SNRNP27: variants seen among roughly 807,000 people sequenced by gnomAD.
SNRNP27 encodes the protein U4/U6.U5 small nuclear ribonucleoprotein 27 kDa protein.
A neutral mutation model predicts 25.1 loss-of-function variants in SNRNP27; 22 were observed. That is an observed-to-expected ratio of 0.88 (90% CI 0.63 to 1.25). SNRNP27 has a LOEUF of 1.25. SNRNP27 is among the 50% of genes most tolerant of loss of function. The pLI is 0.00. For missense variants in SNRNP27, 150 were observed against 202.3 expected (o/e 0.74, Z 1.57); for synonymous variants, 66 against 64.9 (o/e 1.02, Z -0.08).
intron 4 of SNRNP27, among the ~76,000 whole-genome samples, chr2:69,902,217 CCTCCTTCCTCCTCCCTTCTTTCTT>C (rs1365954974): frequency 3.3e-4 from 50 of 150,348 alleles, no homozygotes; most frequent in African/African-American, 1.1e-3. Flanking sequence ...CTTCCTCCTC[CCTCCTTCCTCCTCCCTTCTTTCTT>C]CTCCTTCCTC....
intron 3 of SNRNP27, among the ~76,000 whole-genome samples, chr2:69,896,844 T>C (rs1339971882): frequency 6.6e-6 from 1 of 152,078 alleles, no homozygotes; most frequent in Non-Finnish European, 1.5e-5. Flanking sequence ...CGGCTAATTT[T>C]TGTATTTTTA....
At chr2:69,896,652 G>A in intron 3 of SNRNP27, 104 bp downstream of exon 3, 1 of 1,157,424 alleles carries the variant, frequency 8.6e-7, no homozygotes, top group South Asian at 1.8e-5. Flanking sequence ...AGTATTCATT[G>A]CATATGGTTT....
Position 69,897,459 on chromosome 2 carries a change from A to G in SNRNP27, c.348+3A>G. The G allele has an allele frequency of 6.3e-7, 1 of 1,599,710 alleles. No individual in the cohort carries two copies. The highest frequency in any genetic ancestry group is 1.3e-5 in the African/African-American group (1 of 74,736). ...TTGCCTCCTTTGACTCCACAAAAGT[A>G]AGTAAAACGTGCAACATTCTCATTT... is the stretch of plus-strand genomic sequence containing the variant. On this transcript the variant is annotated splice_donor_region_variant and intron_variant, in intron 4 of 5. Transcript: ENST00000244227.
In SNRNP27 at chr2:69,897,426, A is replaced by G; in HGVS notation, c.318A>G (p.Leu106=). 1 of 1,613,540 alleles carries G rather than the reference A, an allele frequency of 6.2e-7. No individual in the cohort carries two copies. The highest frequency in any genetic ancestry group is 8.5e-7 in the Non-Finnish European group (1 of 1,179,752). The change falls in exon 4 of 6, where the codon TTA becomes TTG. Residue 106 remains leucine (L), a synonymous_variant. Transcript: ENST00000244227. ...AGGAAGAAATAGAAATGATGAAGTT[A>G]ATGGGATTTGCCTCCTTTGACTCCA... ...KTEEEIEMMK[L]MGFASFDSTK... is the part of the protein sequence containing the mutation.
intron 5 of SNRNP27, 24 bp from the exon 6 acceptor site, chr2:69,904,230 A>G (rs760741481): frequency 2.3e-5 from 36 of 1,556,894 alleles, no homozygotes; most frequent in Non-Finnish European, 3.0e-5. Flanking sequence ...AAAAAAAACA[A>G]TGAATTTTCT....
chr2:69,901,715 G>A (rs553674642), intron 4 of SNRNP27, among the ~76,000 whole-genome samples: 1 of 152,202 alleles, frequency 6.6e-6, no homozygotes, highest in South Asian at 2.1e-4. Context: ...CAGCTACTCG[G>A]GAGGCTGAGG....
At chr2:69,902,938 CTT>C (rs761833954) in intron 4 of SNRNP27, among the ~76,000 whole-genome samples, 14,287 of 91,004 alleles carry the variant, frequency 0.16, 399 homozygotes, top group African/African-American at 0.18. Context: ...TCTTCTTCTT[CTT>C]TTTTTTTTTT....
chr2:69,901,680 G>A (rs1009956974), intron 4 of SNRNP27, among the ~76,000 whole-genome samples: 3 of 152,078 alleles, frequency 2.0e-5, no homozygotes, highest in African/African-American at 2.4e-5. Flanking sequence ...AATTAGCCCA[G>A]CTTGGTGGCA....
chr2:69,897,642 A>G, intron 4 of SNRNP27, 186 bp downstream of exon 4: 2 of 561,280 alleles, frequency 3.6e-6, no homozygotes, highest in South Asian at 4.5e-5. Context: ...GTTGCCAGGG[A>G]CGATGTTTGA....
chr2:69,905,011 A>T lies in SNRNP27; in HGVS notation c.*703A>T, dbSNP rs1676772207. ...AGGCTTCTTTGGGTTGATCCCACCT[A>T]TGAGATCAGAATATGTATGCAGTTC... On this transcript the variant is annotated 3_prime_UTR_variant, in exon 6 of 6. Transcript: ENST00000244227. 1.3e-5 allele frequency: 2 copies of T among 152,286 alleles called. No homozygotes were observed. The highest frequency in any genetic ancestry group is 2.9e-5 in the Non-Finnish European group (2 of 68,138). 9.4% of individuals were successfully genotyped at this position (152,286 alleles called of 1,614,324 possible).
rs1036892404 is a variant in SNRNP27, at chr2:69,904,881, CA to C, written c.*581del. On this transcript the variant is annotated 3_prime_UTR_variant, in exon 6 of 6. Coordinates refer to ENST00000244227, the MANE Select transcript of SNRNP27 (RefSeq NM_006857.3). Reference sequence around the variant, plus strand: ...TCCGCAAGTATAAAAGCATTACATGCAAAAAAAAGATCTCAGAGAAAACAAA... The same window carrying C: ...TCCGCAAGTATAAAAGCATTACATGCAAAAAAAGATCTCAGAGAAAACAAA... The C allele has an allele frequency of 4.2e-5, 6 of 143,448 alleles. No homozygotes were observed. Among genetic ancestry groups the C allele is most frequent in the African/African-American group, 7.7e-5 (3 of 38,784 alleles). The allele number at this position is 143,448 out of a possible 1,614,324, so 8.9% of individuals were successfully genotyped here.
At position 69,896,524 on chromosome 2, in the gene SNRNP27, AAG is replaced by A; in HGVS notation, c.247_248del (p.Ser83GlnfsTer7). ...GGAAAAGAAAGAAACAAAAGAAACA[AAG>A]AGCAAAGAACGGCAGATTACTGGTA... ...DEEKKETKETKSKERQITEED... is the reference protein window; with the variant it reads ...DEEKKETKETXSKERQITEED... On this transcript the variant is annotated frameshift_variant, in exon 3 of 6. Coordinates refer to ENST00000244227, the MANE Select transcript of SNRNP27 (RefSeq NM_006857.3). LOFTEE classifies it high-confidence loss of function. The A allele has an allele frequency of 6.2e-7, 1 of 1,607,232 alleles. No homozygotes were observed. Among genetic ancestry groups the A allele is most frequent in the Non-Finnish European group, 8.5e-7 (1 of 1,176,036 alleles).
chr2:69,895,327 T>C (rs1019341447), intron 2 of SNRNP27, 113 bp downstream of exon 2: 37 of 1,323,888 alleles, frequency 2.8e-5, no homozygotes, highest in Non-Finnish European at 4.1e-6. Flanking sequence ...TTTCCTGAAA[T>C]GGAGGAAACT....
At chr2:69,896,357 C>A in intron 2 of SNRNP27, 79 bp from the exon 3 acceptor site, 3 of 1,307,104 alleles carry the variant, frequency 2.3e-6, no homozygotes, top group Non-Finnish European at 3.2e-6. Flanking sequence ...CTGTGGAGCT[C>A]ACCTCATGTA....
At position 69,904,310 on chromosome 2, in the gene SNRNP27, A is replaced by G; in HGVS notation, c.*2A>G. 1 of 1,609,730 alleles carries G rather than the reference A, an allele frequency of 6.2e-7. No individual in the cohort carries two copies. The highest frequency in any genetic ancestry group is 2.2e-5 in the East Asian group (1 of 44,710). On this transcript the variant is annotated 3_prime_UTR_variant, in exon 6 of 6. Coordinates refer to ENST00000244227, the MANE Select transcript of SNRNP27 (RefSeq NM_006857.3). ...AGACCTTTGGATTTCATTGCATGAG[A>G]ATTGAAGTGTTGAAGGATGATTTTT... is the stretch of plus-strand genomic sequence containing the variant.
intron 4 of SNRNP27, among the ~76,000 whole-genome samples, chr2:69,902,514 T>G (rs1490782468): frequency 1.3e-5 from 2 of 152,190 alleles, no homozygotes; most frequent in African/African-American, 2.4e-5. Flanking sequence ...CTGCTTGTGC[T>G]GCTGCTGCTC....
rs1676770354 is a variant in SNRNP27, at chr2:69,904,923, G to GA, written c.*619dup. 1 of 148,610 alleles carries GA rather than the reference G, an allele frequency of 6.7e-6. No individual in the cohort carries two copies. Among genetic ancestry groups the GA allele is most frequent in the African/African-American group, 2.5e-5 (1 of 40,140 alleles). 9.2% of individuals were successfully genotyped at this position (148,610 alleles called of 1,614,324 possible). On this transcript the variant is annotated 3_prime_UTR_variant, in exon 6 of 6. Transcript: ENST00000244227. ...AGAAAACAAAAGTAAAAGAAAAGCA[G>GA]AAAATCACCTGTTATCTACTCCCAG...
intron 4 of SNRNP27, 113 bp from the exon 5 acceptor site, chr2:69,903,068 G>A (rs371477748): frequency 9.4e-5 from 74 of 786,328 alleles, no homozygotes; most frequent in African/African-American, 5.6e-4. Context: ...TTAGCCTTCC[G>A]CCAAGTAGCT....
In SNRNP27 at chr2:69,898,093, C is replaced by T. The variant is rs191690742; in HGVS notation, c.348+637C>T. ...GGCCTGAACTGAGTTGAGAATGATT[C>T]AGGAGCTGGGGGAAGTGGGAGTGAG... On this transcript the variant is annotated intron_variant, in intron 4 of 5. Coordinates refer to ENST00000244227, the MANE Select transcript of SNRNP27 (RefSeq NM_006857.3). 2.9e-4 allele frequency among the ~76,000 whole-genome samples: 29 copies of T among 98,708 alleles called. 8 individuals are homozygous for T. The allele number at this position is 98,708 out of a possible 152,430, so 64.8% of individuals were successfully genotyped here.
Sources: gnomAD v4.1 joint callset for allele counts (sites outside exome capture counted in the v4.1 genomes callset) on GRCh38, gnomAD v4.1.1 for gene constraint, MANE v1.5 for transcripts, NCBI Gene and HGNC (gene_info 2026-07-23, HGNC 2026-07-21) for gene names.